The following PTPRD variants were observed in gnomAD, a reference collection of about 807,000 sequenced individuals.
PTPRD encodes the protein receptor-type tyrosine-protein phosphatase delta.
PTPRD carries 34 observed loss-of-function variants against 214.5 expected under a neutral mutation model. The observed-to-expected ratio is 0.16, with a 90% CI of 0.12 to 0.21. PTPRD has a LOEUF of 0.21. Among genes scored for constraint, PTPRD ranks in the 10% least tolerant of loss-of-function variants. PTPRD has a pLI of 1.00. For synonymous variants in PTPRD, 1,128 were observed against 845.7 expected (o/e 1.33, Z -5.79); for missense variants, 2,545 against 2,398.7 (o/e 1.06, Z -1.27).
chr9:8,836,632 C>G (rs2097430017), intron 11 of PTPRD, among the ~76,000 whole-genome samples: 1 of 114,574 alleles, frequency 8.7e-6, no homozygotes, highest in Admixed American at 1.3e-4. Flanking sequence ...GAGTCTCGCT[C>G]TGTTGCCAGG....
At chr9:9,764,123 A>C (rs1416988189) in intron 6 of PTPRD, among the ~76,000 whole-genome samples, 1 of 152,164 alleles carries the variant, frequency 6.6e-6, no homozygotes, top group Non-Finnish European at 1.5e-5. Flanking sequence ...AAGGCAAATA[A>C]TGTATCTGTT....
intron 3 of PTPRD, among the ~76,000 whole-genome samples, chr9:10,310,300 A>G (rs1246322920): frequency 6.6e-6 from 1 of 152,124 alleles, no homozygotes; most frequent in Admixed American, 6.6e-5. Flanking sequence ...GTACATAGCA[A>G]AAGAAATATC....
At chr9:9,100,069 T>A (rs1165107727) in intron 10 of PTPRD, among the ~76,000 whole-genome samples, 1 of 152,202 alleles carries the variant, frequency 6.6e-6, no homozygotes, top group Admixed American at 6.5e-5. Flanking sequence ...GTGATGATTA[T>A]AATTAAAAGA....
chr9:10,351,711 C>T (rs1374921736), intron 2 of PTPRD, among the ~76,000 whole-genome samples: 1 of 149,044 alleles, frequency 6.7e-6, no homozygotes, highest in Non-Finnish European at 1.5e-5. Flanking sequence ...TCTTTTATCA[C>T]ATTTGCACTA....
chr9:10,046,315 A>G (rs2154147644), intron 3 of PTPRD, among the ~76,000 whole-genome samples: 1 of 151,978 alleles, frequency 6.6e-6, no homozygotes, highest in Admixed American at 6.6e-5. Flanking sequence ...TGCATCTTTG[A>G]ACTTCTAACA....
At position 9,632,563 on chromosome 9, in the gene PTPRD, A is replaced by T. The variant is rs1002769598; in HGVS notation, c.-286-57782T>A. On this transcript the variant is annotated intron_variant, in intron 7 of 45. Coordinates refer to ENST00000381196, the MANE Select transcript of PTPRD (RefSeq NM_002839.4). ...TGCAAATGGTGCACTTGGTATGTGA[A>T]TTTTTTCTAAACAAATCATACTTTT... Among the ~76,000 whole-genome samples the T allele has an allele frequency of 2.0e-5, 3 of 152,200 alleles. No homozygotes were observed. The South Asian group carries it at 6.2e-4, about 32-fold the overall frequency.
In PTPRD at chr9:9,225,956, T is replaced by C. The variant is rs749319015; in HGVS notation, c.-202-42593A>G. 9.2e-5 allele frequency among the ~76,000 whole-genome samples: 14 copies of C among 152,160 alleles called. No individual in the cohort carries two copies. In the South Asian group the frequency reaches 1.0e-3, roughly 11 times the overall value. Reference sequence around the variant, plus strand: ...CCCAGACAGCAGCAGGAACTCCTAATATATTTTTTGTTTTCAGGAGCCTGT... The same window carrying C: ...CCCAGACAGCAGCAGGAACTCCTAACATATTTTTTGTTTTCAGGAGCCTGT... On this transcript the variant is annotated intron_variant, in intron 9 of 45. Coordinates refer to ENST00000381196, the MANE Select transcript of PTPRD (RefSeq NM_002839.4).
intron 3 of PTPRD, among the ~76,000 whole-genome samples, chr9:10,095,589 A>C (rs1485356665): frequency 6.6e-6 from 1 of 151,590 alleles, no homozygotes. Context: ...CAAACATGAT[A>C]TTTGATAAAA....
At chr9:9,685,697 C>T (rs2097154737) in intron 7 of PTPRD, among the ~76,000 whole-genome samples, 1 of 150,884 alleles carries the variant, frequency 6.6e-6, no homozygotes, top group Non-Finnish European at 1.5e-5. Context: ...TAATAAGTCA[C>T]CATTACCCAG....
At chr9:9,991,093 C>T (rs1477581217) in intron 4 of PTPRD, among the ~76,000 whole-genome samples, 4 of 151,902 alleles carry the variant, frequency 2.6e-5, no homozygotes, top group South Asian at 2.1e-4. Context: ...CACCACCACA[C>T]TCGGCTAATT....
chr9:9,527,367 C>T (rs753961447), intron 8 of PTPRD, among the ~76,000 whole-genome samples: 7 of 152,130 alleles, frequency 4.6e-5, no homozygotes, highest in Admixed American at 2.0e-4. Context: ...CTCCCTCCTG[C>T]CTAGACACCA....
intron 11 of PTPRD, among the ~76,000 whole-genome samples, chr9:8,821,534 CT>C (rs1423551345): frequency 6.6e-6 from 1 of 152,236 alleles, no homozygotes; most frequent in African/African-American, 2.4e-5. Context: ...AGAAATCCCC[CT>C]TTCCCCTAAG....
At chr9:10,137,701 T>TAAAAAAAAAAA (rs76032048) in intron 3 of PTPRD, among the ~76,000 whole-genome samples, 4 of 72,004 alleles carry the variant, frequency 5.6e-5, no homozygotes, top group African/African-American at 1.3e-4. Context: ...TAGAGTATAA[T>TAAAAAAAAAAA]AAAAAAAAAA....
At chr9:10,236,987 T>C (rs2099631140) in intron 3 of PTPRD, among the ~76,000 whole-genome samples, 1 of 151,958 alleles carries the variant, frequency 6.6e-6, no homozygotes, top group African/African-American at 2.4e-5. Flanking sequence ...GTGAGAATAT[T>C]CTGTATGATA....
At chr9:8,336,811 CAGA>C (rs1847325856) in intron 43 of PTPRD, among the ~76,000 whole-genome samples, 2 of 152,240 alleles carry the variant, frequency 1.3e-5, no homozygotes, top group South Asian at 4.2e-4. Context: ...AGACACTTCT[CAGA>C]AGAAGACACC....
intron 3 of PTPRD, among the ~76,000 whole-genome samples, chr9:10,283,663 T>A (rs1407040366): frequency 6.6e-6 from 1 of 152,180 alleles, no homozygotes; most frequent in Non-Finnish European, 1.5e-5. Context: ...ATAGGTGAAA[T>A]TCTAACTGTC....
At chr9:9,836,225 A>C (rs963240191) in intron 5 of PTPRD, among the ~76,000 whole-genome samples, 1 of 152,172 alleles carries the variant, frequency 6.6e-6, no homozygotes, top group African/African-American at 2.4e-5. Flanking sequence ...GTAGCCCCAG[A>C]ATGTGAGCAT....
intron 11 of PTPRD, among the ~76,000 whole-genome samples, chr9:9,000,844 C>CA (rs1352017271): frequency 6.6e-6 from 1 of 151,906 alleles, no homozygotes; most frequent in East Asian, 1.9e-4. Flanking sequence ...GATGGATTCA[C>CA]AAAAAACAAA....
intron 9 of PTPRD, among the ~76,000 whole-genome samples, chr9:9,228,019 G>A (rs897896692): frequency 6.6e-6 from 1 of 152,100 alleles, no homozygotes; most frequent in Non-Finnish European, 1.5e-5. Context: ...TTTCTGTAGT[G>A]GGAGAATGCA....
Sources: gnomAD v4.1 joint callset for allele counts (sites outside exome capture counted in the v4.1 genomes callset) on GRCh38, gnomAD v4.1.1 for gene constraint, MANE v1.5 for transcripts, NCBI Gene and HGNC (gene_info 2026-07-23, HGNC 2026-07-21) for gene names.